The following COL13A1 variants were observed in gnomAD, a reference collection of about 807,000 sequenced individuals.
COL13A1 encodes the protein collagen alpha-1(XIII) chain.
In COL13A1, 89 loss-of-function variants were observed where a neutral mutation model predicts 130.9. The observed-to-expected ratio is 0.68, with a 90% CI of 0.57 to 0.81. The LOEUF (loss-of-function observed/expected upper bound fraction) is 0.81. COL13A1 is among the 30% of genes least tolerant of loss of function. The probability of loss-of-function intolerance (pLI) is 0.00; values close to 1 mark genes in which losing one functional copy is unlikely to be tolerated. For missense variants in COL13A1, 879 were observed against 934.6 expected, an observed-to-expected ratio of 0.94 and a Z score of 0.78; for synonymous variants, 402 against 341.6, an observed-to-expected ratio of 1.18 and a Z score of -1.95.
chr10:69,839,130 C>T (rs550373059), intron 2 of COL13A1, among the ~76,000 whole-genome samples: 8 of 152,276 alleles, frequency 5.3e-5, no homozygotes, highest in African/African-American at 1.4e-4. Context: ...TTGGAGAATG[C>T]GATGGTCTTG....
intron 1 of COL13A1, among the ~76,000 whole-genome samples, chr10:69,805,174 T>A (rs1348222220): frequency 6.6e-6 from 1 of 151,970 alleles, no homozygotes; most frequent in Non-Finnish European, 1.5e-5. Flanking sequence ...GAAAGTTAGA[T>A]CTAAATAAGA....
rs759034987 is a variant in COL13A1 at position 69,952,934 on chromosome 10, A to G, written c.2111A>G (p.Gln704Arg). Residue 704 changes from glutamine to arginine, a missense_variant, in exon 39 of 41, where the codon CAA (glutamine) becomes CGA (arginine). Around this residue, in one of 3 missense-constraint regions of COL13A1, gnomAD observed 68 missense variants for 65.8 expected, o/e 1.03. Transcript: ENST00000645393. ...GGGCCTAAAGGGGATAAGGGAGACC[A>G]AGGAGCGCCTGGATTAGATGCCCCC... Reference protein sequence around the residue: ...SRGPKGDKGDQGAPGLDAPCP... With the variant: ...SRGPKGDKGDRGAPGLDAPCP... The G allele has an allele frequency of 1.3e-6, 2 of 1,559,338 alleles. No homozygotes were observed. Among genetic ancestry groups the G allele is most frequent in the Admixed American group, 2.1e-5 (1 of 47,864 alleles).
Position 69,947,300 on chromosome 10 carries a change from C to T in COL13A1, c.2023-7C>T. ...TAACATGCCTTTCTTCCTCTGATCT[C>T]TTGCAGGGTTTACATGGACCACCCG... On this transcript the variant is annotated splice_polypyrimidine_tract_variant and splice_region_variant and intron_variant, in intron 37 of 40. Transcript: ENST00000645393. The T allele has an allele frequency of 1.9e-6, 3 of 1,613,532 alleles. No individual in the cohort carries two copies. The highest frequency in any genetic ancestry group is 1.1e-5 in the South Asian group (1 of 90,954).
At chr10:69,862,211 T>C (rs188254955) in intron 2 of COL13A1, among the ~76,000 whole-genome samples, 298 of 152,300 alleles carry the variant, frequency 2.0e-3, no homozygotes, top group Non-Finnish European at 3.8e-3. Flanking sequence ...TGAATAGCAC[T>C]AGACCAGGAT....
intron 14 of COL13A1, 91 bp from the exon 15 acceptor site, chr10:69,902,657 G>A (rs1490855819): frequency 3.9e-6 from 4 of 1,015,274 alleles, no homozygotes; most frequent in Non-Finnish European, 5.7e-6. Flanking sequence ...AGAAATCACA[G>A]CAGGCCTTCA....
At chr10:69,831,453 G>A (rs1848800418) in intron 2 of COL13A1, among the ~76,000 whole-genome samples, 1 of 152,152 alleles carries the variant, frequency 6.6e-6, no homozygotes, top group Non-Finnish European at 1.5e-5. Context: ...AGTTCCTAGA[G>A]CTAGAAAACT....
chr10:69,941,879 G>A (rs373847495), intron 35 of COL13A1, among the ~76,000 whole-genome samples: 11 of 152,242 alleles, frequency 7.2e-5, no homozygotes, highest in East Asian at 3.9e-4. Flanking sequence ...GTCCCTGCTC[G>A]GACACCATCA....
intron 19 of COL13A1, 99 bp downstream of exon 19, chr10:69,918,416 C>T: frequency 1.7e-6 from 2 of 1,165,354 alleles, no homozygotes; most frequent in Non-Finnish European, 2.5e-6. Flanking sequence ...GCTGCCAGAC[C>T]AATGAGGGGG....
At chr10:69,915,208 AAG>A (rs1318052933) in intron 17 of COL13A1, among the ~76,000 whole-genome samples, 1 of 152,266 alleles carries the variant, frequency 6.6e-6, no homozygotes, top group African/African-American at 2.4e-5. Context: ...TTGGAGATGG[AAG>A]AGAGGAAGGT....
chr10:69,945,624 T>G, intron 36 of COL13A1, 47 bp from the exon 37 acceptor site: 1 of 1,595,866 alleles, frequency 6.3e-7, no homozygotes, highest in Non-Finnish European at 8.5e-7. Context: ...CAAGGAAGAT[T>G]GTTACCGTGT....
intron 2 of COL13A1, among the ~76,000 whole-genome samples, chr10:69,831,643 G>A (rs544625531): frequency 1.8e-4 from 28 of 152,310 alleles, no homozygotes; most frequent in African/African-American, 5.1e-4. Flanking sequence ...TTTTTCAGGG[G>A]TGGTGAAGGA....
chr10:69,870,183 A>G (rs977595847), intron 3 of COL13A1, among the ~76,000 whole-genome samples: 6 of 143,056 alleles, frequency 4.2e-5, no homozygotes, highest in African/African-American at 1.5e-4. Context: ...CTGTATATAT[A>G]TATTTTTTTT....
intron 1 of COL13A1, among the ~76,000 whole-genome samples, chr10:69,820,619 A>T (rs1291992170): frequency 6.6e-6 from 1 of 152,126 alleles, no homozygotes; most frequent in African/African-American, 2.4e-5. Flanking sequence ...CTCTGTGCCC[A>T]CCTGTACCTT....
At chr10:69,838,298 G>C (rs898451634) in intron 2 of COL13A1, among the ~76,000 whole-genome samples, 5 of 152,352 alleles carry the variant, frequency 3.3e-5, no homozygotes, top group Non-Finnish European at 7.3e-5. Flanking sequence ...GGGTCACCCA[G>C]CCAATGCTGG....
intron 2 of COL13A1, among the ~76,000 whole-genome samples, chr10:69,859,070 G>A (rs1403982629): frequency 6.6e-6 from 1 of 152,176 alleles, no homozygotes; most frequent in East Asian, 1.9e-4. Context: ...CCTCTCTGTG[G>A]CTCAGTTTCC....
rs746185275 is a variant in COL13A1, at chr10:69,917,332, A to C, written c.965A>C (p.Lys322Thr). 9.3e-6 allele frequency: 15 copies of C among 1,613,180 alleles called. No individual in the cohort carries two copies. Among genetic ancestry groups the C allele is most frequent in the African/African-American group, 2.7e-5 (2 of 74,886 alleles). ...GGGATGCCAGGCAAGCATGGAGCCAAGGTACCTCCCCCTTCCCCACATCCC... is the reference window on the plus strand; with the variant it reads ...GGGATGCCAGGCAAGCATGGAGCCACGGTACCTCCCCCTTCCCCACATCCC... Reference protein sequence around the residue: ...MPGMPGKHGAKGAPGIAVAGM... With the variant: ...MPGMPGKHGATGAPGIAVAGM... Residue 322 changes from lysine to threonine, a missense_variant and splice_region_variant, in exon 18 of 41, where the codon AAG becomes ACG. By Grantham distance (78) the Lys-to-Thr change is moderately conservative. Coordinates refer to ENST00000645393, the MANE Select transcript of COL13A1 (RefSeq NM_001368882.1).
At chr10:69,816,864 A>G (rs1589207541) in intron 1 of COL13A1, among the ~76,000 whole-genome samples, 1 of 152,336 alleles carries the variant, frequency 6.6e-6, no homozygotes, top group East Asian at 1.9e-4. Context: ...GGAGTGGTCC[A>G]GGAGAGACGT....
chr10:69,904,684 A>G (rs1055390254), intron 15 of COL13A1, among the ~76,000 whole-genome samples: 4 of 152,218 alleles, frequency 2.6e-5, no homozygotes, highest in Non-Finnish European at 4.4e-5. Context: ...ATGGGTGAGC[A>G]CAGCAGAATT....
intron 2 of COL13A1, among the ~76,000 whole-genome samples, chr10:69,837,222 C>T (rs1850332102): frequency 6.6e-6 from 1 of 152,220 alleles, no homozygotes. Flanking sequence ...CAATGAGGCC[C>T]CATCAGCATC....
Sources: allele counts gnomAD v4.1 joint callset (sites outside exome capture counted in the v4.1 genomes callset), GRCh38; gene constraint gnomAD v4.1.1; regional missense constraint gnomAD v4.1.1; transcripts MANE v1.5; gene names NCBI Gene and HGNC (gene_info 2026-07-23, HGNC 2026-07-21).